THADA: variants seen among roughly 807,000 people sequenced by gnomAD.
THADA encodes the protein tRNA (32-2'-O)-methyltransferase regulator THADA.
In THADA, 213 loss-of-function variants were observed where a neutral mutation model predicts 219.8. The observed-to-expected ratio is 0.97, with a 90% confidence interval of 0.87 to 1.09. The LOEUF is 1.09. Ranked by LOEUF, THADA falls within the 50% of genes least tolerant of loss-of-function variation. The probability of loss-of-function intolerance (pLI) is 0.00; values close to 1 mark genes in which losing one functional copy is unlikely to be tolerated. For missense variants in THADA, 2,956 were observed against 2,311.3 expected (o/e 1.28, Z -5.72); for synonymous variants, 1,018 against 828.9 (o/e 1.23, Z -3.92).
intron 30 of THADA, among the ~76,000 whole-genome samples, chr2:43,334,185 A>T (rs1292904544): frequency 6.6e-6 from 1 of 152,158 alleles, no homozygotes; most frequent in East Asian, 1.9e-4. Context: ...TAAGTAAGAC[A>T]GAAAAAGGAG....
chr2:43,586,816 G>C, intron 5 of THADA, 38 bp downstream of exon 5: 2 of 1,612,100 alleles, frequency 1.2e-6, no homozygotes, highest in Non-Finnish European at 1.7e-6. Context: ...TGATGAGAGG[G>C]GTTAGCCAGA....
chr2:43,575,025 AT>A lies in THADA; in HGVS notation c.1039del (p.Ile347LeufsTer14), dbSNP rs1177382313. On this transcript the variant is annotated frameshift_variant and splice_region_variant, in exon 11 of 38. Transcript: ENST00000405975. LOFTEE classifies it high-confidence loss of function. ...AAACATTTCCAGCGTTGGCTCTTTAATCCTGAAGAAAAATGAGCCATGAGCC... is the reference window on the plus strand; with the variant it reads ...AAACATTTCCAGCGTTGGCTCTTTAACCTGAAGAAAAATGAGCCATGAGCC... ...AHVLFTLSSQ[I>X]KEPTLEMFLS... 2.6e-5 allele frequency: 41 copies of A among 1,595,822 alleles called. No individual in the cohort carries two copies. Among genetic ancestry groups the A allele is most frequent in the Non-Finnish European group, 3.3e-5 (39 of 1,172,506 alleles).
chr2:43,592,009 C>T lies in THADA; in HGVS notation c.114G>A (p.Leu38=). 1.3e-6 allele frequency: 2 copies of T among 1,562,732 alleles called. No homozygotes were observed. Among genetic ancestry groups the T allele is most frequent in the Non-Finnish European group, 1.7e-6 (2 of 1,152,200 alleles). The change falls in exon 3 of 38, where the codon TTG becomes TTA. Residue 38 remains leucine (L), a synonymous_variant. Coordinates refer to ENST00000405975, the MANE Select transcript of THADA (RefSeq NM_022065.5). ...CCGTGAGTTGCACACAATGTAACAG[C>T]AAAGAAGCTAGATTTTTCCCTTCCA... ...ADVEGKNLAS[L]LLHCVQLTDG...
chr2:43,491,697 G>A (rs945360654), intron 25 of THADA, among the ~76,000 whole-genome samples: 6 of 152,136 alleles, frequency 3.9e-5, no homozygotes, highest in Non-Finnish European at 5.9e-5. Flanking sequence ...GTGTGGAGTA[G>A]GCTATACATC....
At chr2:43,250,941 G>A (rs1669748207) in intron 36 of THADA, among the ~76,000 whole-genome samples, 1 of 152,098 alleles carries the variant, frequency 6.6e-6, no homozygotes, top group Admixed American at 6.5e-5. Context: ...ACCCTAAGAA[G>A]GGAGGTGAGG....
chr2:43,276,772 CT>C (rs199961955), intron 36 of THADA, among the ~76,000 whole-genome samples: 1,672 of 152,320 alleles, frequency 0.011, 23 homozygotes, highest in African/African-American at 0.038. Flanking sequence ...ATCACAGTGA[CT>C]TGTGGCCTCT....
chr2:43,394,611 G>A (rs1326199437), intron 29 of THADA, among the ~76,000 whole-genome samples: 1 of 152,130 alleles, frequency 6.6e-6, no homozygotes, highest in African/African-American at 2.4e-5. Context: ...AGCTTTATGT[G>A]GAGAGGAATC....
At chr2:43,517,814 T>C (rs1298491364) in intron 22 of THADA, among the ~76,000 whole-genome samples, 1 of 152,124 alleles carries the variant, frequency 6.6e-6, no homozygotes, top group East Asian at 1.9e-4. Context: ...AACACAAAGA[T>C]TTCCCAGGGA....
At chr2:43,505,503 G>A in intron 24 of THADA, 119 bp downstream of exon 24, 1 of 631,684 alleles carries the variant, frequency 1.6e-6, no homozygotes, top group East Asian at 3.1e-5. Flanking sequence ...GCAGTGAGCT[G>A]AGATCGCGCC....
At chr2:43,305,325 C>A (rs968026050) in intron 31 of THADA, among the ~76,000 whole-genome samples, 1 of 152,136 alleles carries the variant, frequency 6.6e-6, no homozygotes, top group Non-Finnish European at 1.5e-5. Context: ...AATCCTGACC[C>A]CAGGGGCCCC....
chr2:43,432,796 A>G (rs987076020), intron 26 of THADA, among the ~76,000 whole-genome samples: 1 of 151,992 alleles, frequency 6.6e-6, no homozygotes. Context: ...AGCACTTTTC[A>G]TGTGCTTTGG....
intron 25 of THADA, among the ~76,000 whole-genome samples, chr2:43,488,016 T>C (rs1248388299): frequency 6.6e-6 from 1 of 152,140 alleles, no homozygotes; most frequent in Non-Finnish European, 1.5e-5. Flanking sequence ...CAGAAAAACT[T>C]TATTTTTTTA....
intron 17 of THADA, 124 bp from the exon 18 acceptor site, chr2:43,552,463 T>C (rs935508791): frequency 3.0e-5 from 32 of 1,057,958 alleles, no homozygotes; most frequent in Middle Eastern, 2.7e-4. Flanking sequence ...AGTTTTTTAA[T>C]CAAAAAGAGA....
At chr2:43,258,159 T>C (rs1333942989) in intron 36 of THADA, among the ~76,000 whole-genome samples, 1 of 152,180 alleles carries the variant, frequency 6.6e-6, no homozygotes, top group Non-Finnish European at 1.5e-5. Context: ...GAATTTCAGG[T>C]AAACAATAAA....
At chr2:43,590,060 T>C (rs111291393) in intron 4 of THADA, among the ~76,000 whole-genome samples, 93 of 152,278 alleles carry the variant, frequency 6.1e-4, no homozygotes, top group Non-Finnish European at 1.1e-3. Context: ...AGAGAAGGTC[T>C]AGAAAGATAA....
chr2:43,237,109 G>A (rs1044789091), intron 36 of THADA, among the ~76,000 whole-genome samples: 1 of 150,818 alleles, frequency 6.6e-6, no homozygotes, highest in African/African-American at 2.4e-5. Context: ...TAAAGACAGC[G>A]TGGTACTGGC....
chr2:43,254,875 C>T (rs774285279), intron 36 of THADA, among the ~76,000 whole-genome samples: 2 of 152,158 alleles, frequency 1.3e-5, no homozygotes, highest in Non-Finnish European at 2.9e-5. Context: ...CTCGGTCCCC[C>T]CACTGGTCTA....
intron 31 of THADA, among the ~76,000 whole-genome samples, chr2:43,310,406 G>C (rs894742469): frequency 1.1e-4 from 17 of 152,060 alleles, no homozygotes; most frequent in Admixed American, 5.9e-4. Context: ...TAGATCAATG[G>C]AATACAATTA....
chr2:43,548,664 C>G (rs971316777), intron 20 of THADA, among the ~76,000 whole-genome samples: 3 of 152,350 alleles, frequency 2.0e-5, no homozygotes, highest in Admixed American at 2.0e-4. Context: ...GCGTAGGACC[C>G]TCTGAGCCAG....
Sources: gnomAD v4.1 joint callset for allele counts (sites outside exome capture counted in the v4.1 genomes callset) on GRCh38, gnomAD v4.1.1 for gene constraint, MANE v1.5 for transcripts, NCBI Gene and HGNC (gene_info 2026-07-23, HGNC 2026-07-21) for gene names.